The following OVCH1 variants were observed in gnomAD, a reference collection of about 807,000 sequenced individuals.
The protein encoded by OVCH1 is ovochymase-1.
Under a neutral mutation model 138.4 loss-of-function variants are expected in OVCH1, and 139 were observed. That is an observed-to-expected ratio of 1.00 (90% CI 0.87 to 1.16). The LOEUF is 1.16. Among genes scored for constraint, OVCH1 ranks in the 50% most tolerant of loss-of-function variants. The pLI is 0.00. For synonymous variants in OVCH1, 453 were observed against 467.8 expected, an observed-to-expected ratio of 0.97 and a Z score of 0.41; for missense variants, 1,367 against 1,357.9, an observed-to-expected ratio of 1.01 and a Z score of -0.11.
At chr12:29,411,194 G>C (rs895029337), downstream of OVCH1, among the ~76,000 whole-genome samples, 1 of 103,186 alleles carries the variant, frequency 9.7e-6, no homozygotes, top group African/African-American at 2.7e-5. Flanking sequence ...GGTTATTCTA[G>C]TTATACATTC....
At chr12:29,436,736 C>T (rs1050945004) in intron 26 of OVCH1, among the ~76,000 whole-genome samples, 6 of 149,370 alleles carry the variant, frequency 4.0e-5, no homozygotes, top group East Asian at 1.9e-4. Flanking sequence ...TTAAAAGTGG[C>T]GCATCCAGAG....
rs550348625 is a variant in OVCH1 at position 29,420,277 on chromosome 12, A to C, written c.*71+2850T>G. ...AAATTTTTCAGAACTTTCTATATTT[A>C]TTTTGGGAGCAGGTATGATGATCAG... On this transcript the variant is annotated intron_variant and NMD_transcript_variant, in intron 3 of 4. Coordinates refer to the OVCH1 transcript ENST00000539117. 2.0e-5 allele frequency among the ~76,000 whole-genome samples: 3 copies of C among 152,276 alleles called. No individual in the cohort carries two copies. The South Asian group carries it at 6.2e-4, about 32-fold the overall frequency.
At chr12:29,493,137 T>C (rs11050258) in intron 4 of OVCH1, among the ~76,000 whole-genome samples, 89,328 of 151,896 alleles carry the variant, frequency 0.59, 26,742 homozygotes, top group East Asian at 0.74. Flanking sequence ...ACATAACTAG[T>C]ATAGATGGCT....
intron 25 of OVCH1, among the ~76,000 whole-genome samples, chr12:29,440,309 T>A (rs556147960): frequency 1.3e-5 from 2 of 152,304 alleles, no homozygotes; most frequent in South Asian, 4.1e-4. Flanking sequence ...TAATTCTAAG[T>A]AAAGAACAGA....
chr12:29,459,175 C>T (rs1942048989), intron 19 of OVCH1, among the ~76,000 whole-genome samples: 1 of 152,178 alleles, frequency 6.6e-6, no homozygotes, highest in African/African-American at 2.4e-5. Context: ...GAAAAGTTAT[C>T]TGCACTCCCA....
chr12:29,489,541 T>G, intron 6 of OVCH1, 79 bp downstream of exon 6: 105 of 1,408,912 alleles, frequency 7.5e-5, no homozygotes, highest in Non-Finnish European at 9.1e-5. Context: ...AGAAGAAACA[T>G]GAGCTTCTTT....
intron 22 of OVCH1, among the ~76,000 whole-genome samples, chr12:29,446,613 A>G (rs141402907): frequency 6.6e-6 from 1 of 152,234 alleles, no homozygotes; most frequent in East Asian, 1.9e-4. Context: ...TCCTCAGGTA[A>G]TCTACAATGA....
At chr12:29,488,078 T>C (rs76156321) in intron 6 of OVCH1, among the ~76,000 whole-genome samples, 196 bp from the exon 7 acceptor site, 4,547 of 152,274 alleles carry the variant, frequency 0.03, 241 homozygotes, top group African/African-American at 0.1. Context: ...AATCTTTTCA[T>C]GAAGATAAAA....
At chr12:29,440,557 C>T in intron 25 of OVCH1, 1 of 322,612 alleles carries the variant, frequency 3.1e-6, no homozygotes, top group South Asian at 2.6e-5. Context: ...GATTAACATG[C>T]CTTCTCTTAT....
At chr12:29,479,824 C>CTTT (rs34551074) in intron 8 of OVCH1, among the ~76,000 whole-genome samples, 30 of 128,382 alleles carry the variant, frequency 2.3e-4, no homozygotes, top group East Asian at 6.8e-4. Context: ...TCTTTTTTTT[C>CTTT]TTTTTTTTTT....
chr12:29,472,539 G>A (rs1942549330), intron 15 of OVCH1, among the ~76,000 whole-genome samples: 1 of 152,116 alleles, frequency 6.6e-6, no homozygotes, highest in South Asian at 2.1e-4. Flanking sequence ...CAACCCTCCA[G>A]CAACAGGCAG....
downstream of OVCH1, among the ~76,000 whole-genome samples, chr12:29,424,577 G>A (rs1392646628): frequency 6.6e-6 from 1 of 152,142 alleles, no homozygotes; most frequent in Non-Finnish European, 1.5e-5. Flanking sequence ...GTCAGTGAAG[G>A]GACATAGCTT....
intron 3 of OVCH1, 108 bp downstream of exon 3, chr12:29,496,073 C>A: frequency 9.7e-7 from 1 of 1,025,946 alleles, no homozygotes; most frequent in Non-Finnish European, 1.4e-6. Context: ...CACTGGGAGG[C>A]AAAAGTAAGA....
Position 29,433,612 on chromosome 12 carries a change from T to C in OVCH1, c.3327+139A>G, listed in dbSNP as rs189702497. 6.6e-5 allele frequency: 58 copies of C among 879,354 alleles called. No individual in the cohort carries two copies. In the East Asian group the frequency reaches 2.1e-3, roughly 32 times the overall value. The allele number at this position is 879,354 out of a possible 1,614,324, so 54.5% of individuals were successfully genotyped here. A position where few individuals can be genotyped will look rare whatever the true frequency, so the allele number is the denominator to read the frequency against. On this transcript the variant is annotated intron_variant, in intron 27 of 27. Coordinates refer to ENST00000318184, the Ensembl canonical transcript of OVCH1. The stretch of plus-strand genomic sequence containing the variant: ...GTAAGTGCTACTATGGCAGGGACTG[T>C]CTTGTTCATTGCTCAATCTTCATTT...
At chr12:29,417,506 G>A (rs1370802873) in intron 3 of OVCH1, among the ~76,000 whole-genome samples, 2 of 150,874 alleles carry the variant, frequency 1.3e-5, no homozygotes, top group Non-Finnish European at 2.9e-5. Context: ...GAATCCTTGG[G>A]GTGATTGATA....
At position 29,449,339 on chromosome 12, in the gene OVCH1, G is replaced by A. The variant is rs202104225; in HGVS notation, c.2755+2006C>T. 3.5e-4 allele frequency among the ~76,000 whole-genome samples: 51 copies of A among 144,590 alleles called. No individual in the cohort carries two copies. In the East Asian group the frequency reaches 9.3e-3, roughly 26 times the overall value. 94.9% of individuals were successfully genotyped at this position (144,590 alleles called of 152,430 possible). A position where few individuals can be genotyped will look rare whatever the true frequency, so the allele number is the denominator to read the frequency against. On this transcript the variant is annotated intron_variant, in intron 22 of 27. Transcript: ENST00000318184. ...CACACACTCAACCTTAAGTATATTC[G>A]CTTTCTCAATTCAAAGTACTTGAAA...
At chr12:29,439,274 T>G (rs1363894096) in intron 26 of OVCH1, 1 of 1,351,016 alleles carries the variant, frequency 7.4e-7, no homozygotes, top group African/African-American at 1.5e-5. Flanking sequence ...TATTGTTCTT[T>G]TTGTTAAGAT....
intron 19 of OVCH1, among the ~76,000 whole-genome samples, chr12:29,460,600 G>A (rs547857010): frequency 1.3e-5 from 2 of 152,178 alleles, no homozygotes; most frequent in African/African-American, 4.8e-5. Flanking sequence ...ATGGCTCAAG[G>A]GAAAGTAGTA....
chr12:29,426,006 T>G (rs1321848686), downstream of OVCH1: 2 of 152,146 alleles, frequency 1.3e-5, no homozygotes, highest in East Asian at 3.9e-4. Context: ...TTCAAAATAT[T>G]TAGTAACCAG....
Sources: allele counts gnomAD v4.1 joint callset (sites outside exome capture counted in the v4.1 genomes callset), GRCh38; gene constraint gnomAD v4.1.1; transcripts MANE v1.5; gene names NCBI Gene and HGNC (gene_info 2026-07-23, HGNC 2026-07-21).